DNAH14: variants seen among roughly 807,000 people sequenced by gnomAD.
DNAH14 encodes axonemal beta dynein heavy chain 14.
DNAH14 carries 478 observed loss-of-function variants against 520.9 expected under a neutral mutation model. That is an observed-to-expected ratio of 0.92 (90% CI 0.85 to 0.99). The LOEUF (loss-of-function observed/expected upper bound fraction) is 0.99, where lower values mean the gene tolerates loss of function less well. Among genes scored for constraint, DNAH14 ranks in the 50% least tolerant of loss-of-function variants. The pLI is 0.00. For synonymous variants in DNAH14, 1,581 were observed against 1,757.2 expected (o/e 0.90, Z 2.51); for missense variants, 4,831 against 5,234.5 (o/e 0.92, Z 2.38).
intron 17 of DNAH14, among the ~76,000 whole-genome samples, chr1:225,061,430 G>C (rs943087867): frequency 2.0e-5 from 3 of 152,202 alleles, no homozygotes; most frequent in Non-Finnish European, 4.4e-5. Context: ...TCTTTGACTA[G>C]GAAAAGGAAT....
At chr1:225,114,858 G>A (rs1315497518) in intron 23 of DNAH14, among the ~76,000 whole-genome samples, 1 of 152,216 alleles carries the variant, frequency 6.6e-6, no homozygotes, top group East Asian at 1.9e-4. Context: ...GTGGGGGAAG[G>A]GTGGCTTCAG....
At chr1:225,179,015 C>CT (rs1290502978) in intron 36 of DNAH14, among the ~76,000 whole-genome samples, 23 of 152,152 alleles carry the variant, frequency 1.5e-4, no homozygotes, top group Non-Finnish European at 1.8e-4. Context: ...TTCTCCTTGC[C>CT]TTCTGCCATG....
chr1:225,389,902 G>A (rs2095883569), intron 83 of DNAH14, 29 bp downstream of exon 83: 1 of 1,548,764 alleles, frequency 6.5e-7, no homozygotes, highest in Non-Finnish European at 8.7e-7. Context: ...GTCAGCTCCA[G>A]ACCTGGCCCA....
At chr1:225,173,714 G>A (rs2082975314) in intron 36 of DNAH14, among the ~76,000 whole-genome samples, 1 of 152,156 alleles carries the variant, frequency 6.6e-6, no homozygotes, top group Non-Finnish European at 1.5e-5. Context: ...ATTCTTCAGG[G>A]ATCTTGAACT....
intron 27 of DNAH14, among the ~76,000 whole-genome samples, chr1:225,128,771 C>CT (rs2078053861): frequency 6.6e-6 from 1 of 152,092 alleles, no homozygotes; most frequent in Non-Finnish European, 1.5e-5. Context: ...CAGGGATGCC[C>CT]TCTCTCACCA....
chr1:225,173,659 G>T (rs1420925121), intron 36 of DNAH14, among the ~76,000 whole-genome samples: 1 of 152,208 alleles, frequency 6.6e-6, no homozygotes, highest in Non-Finnish European at 1.5e-5. Context: ...TACACTGTTG[G>T]TGGGACTGTA....
At chr1:224,989,438 A>G (rs1181479447) in intron 8 of DNAH14, among the ~76,000 whole-genome samples, 1 of 151,552 alleles carries the variant, frequency 6.6e-6, no homozygotes, top group African/African-American at 2.4e-5. Context: ...AACCTTGTTG[A>G]ACTCACTTAA....
At chr1:225,124,796 A>G (rs763072638) in intron 27 of DNAH14, among the ~76,000 whole-genome samples, 3 of 149,314 alleles carry the variant, frequency 2.0e-5, no homozygotes, top group Non-Finnish European at 1.5e-5. Flanking sequence ...CCTTTCCAGA[A>G]GGTTTTCTAT....
At chr1:224,980,397 T>A (rs1311851981) in intron 8 of DNAH14, among the ~76,000 whole-genome samples, 1 of 151,962 alleles carries the variant, frequency 6.6e-6, no homozygotes, top group Non-Finnish European at 1.5e-5. Context: ...TTCCTCTGCC[T>A]GTGGAGAGAG....
Position 225,159,322 on chromosome 1 carries a change from G to A in DNAH14, c.5282G>A (p.Ser1761Asn), listed in dbSNP as rs1246898182. The change falls in exon 35 of 86, where the codon AGT becomes AAT. Residue 1761 changes from serine to asparagine, a missense_variant. Ser to Asn is a conservative substitution (Grantham distance 46). Coordinates refer to ENST00000682510, the MANE Select transcript of DNAH14 (RefSeq NM_001367479.1). ...TKKREFKCDT[S>N]DSLSEADETL... ...TTCTTCTACCATTGAAGTGATACCAGTGACAGTCTTTCTGAAGCAGATGAA... is the reference window on the plus strand; with the variant it reads ...TTCTTCTACCATTGAAGTGATACCAATGACAGTCTTTCTGAAGCAGATGAA... 1 of 1,551,068 alleles carries A rather than the reference G, an allele frequency of 6.4e-7. No homozygotes were observed.
chr1:225,120,801 A>G (rs1407487675), intron 26 of DNAH14, among the ~76,000 whole-genome samples: 2 of 152,360 alleles, frequency 1.3e-5, no homozygotes, highest in Non-Finnish European at 1.5e-5. Context: ...TGGGCATTTA[A>G]GCAAAAAAGA....
At chr1:224,961,058 A>G (rs184343210) in intron 4 of DNAH14, 1 of 152,158 alleles carries the variant, frequency 6.6e-6, no homozygotes, top group African/African-American at 2.4e-5. Context: ...ATCATATTAC[A>G]TTATCCAATA....
At position 225,257,887 on chromosome 1, in the gene DNAH14, C is replaced by CAA. The variant is rs35313445; in HGVS notation, c.6866-60_6866-59dup. On this transcript the variant is annotated intron_variant, in intron 44 of 85. Coordinates refer to ENST00000682510, the MANE Select transcript of DNAH14 (RefSeq NM_001367479.1). ...AATGAAAATAAAATAATCCTAATGACAAAAAAAAAAAAAAGATGAGGTGAA... is the reference window on the plus strand; with the variant it reads ...AATGAAAATAAAATAATCCTAATGACAAAAAAAAAAAAAAAAGATGAGGTGAA... 5.3e-3 allele frequency: 5,020 copies of CAA among 951,482 alleles called. 1 individual carries two copies. The highest frequency in any genetic ancestry group is 0.012 in the East Asian group (364 of 31,558). The allele number at this position is 951,482 out of a possible 1,614,324, so 58.9% of individuals were successfully genotyped here.
intron 5 of DNAH14, among the ~76,000 whole-genome samples, chr1:224,965,737 A>G (rs2489348): frequency 0.26 from 39,691 of 151,952 alleles, 8,058 homozygotes; most frequent in African/African-American, 0.56. Flanking sequence ...TTGAGCTTTC[A>G]TGTTTTGACC....
At chr1:225,245,922 C>G (rs1574265998) in intron 43 of DNAH14, among the ~76,000 whole-genome samples, 1 of 152,022 alleles carries the variant, frequency 6.6e-6, no homozygotes, top group African/African-American at 2.4e-5. Context: ...CCAAGACAAT[C>G]ATAAGCAAAA....
At chr1:225,183,637 G>T (rs1435348936) in intron 36 of DNAH14, among the ~76,000 whole-genome samples, 1 of 150,410 alleles carries the variant, frequency 6.6e-6, no homozygotes, top group Non-Finnish European at 1.5e-5. Context: ...CCAAAAGTTG[G>T]TTTTTTGAAA....
At chr1:225,390,674 C>T (rs911454407) in intron 83 of DNAH14, among the ~76,000 whole-genome samples, 1 of 152,060 alleles carries the variant, frequency 6.6e-6, no homozygotes, top group African/African-American at 2.4e-5. Flanking sequence ...TAAGTATTAT[C>T]CAGGTGCGGA....
chr1:224,978,251 A>G (rs1226507500), intron 8 of DNAH14, among the ~76,000 whole-genome samples: 1 of 152,242 alleles, frequency 6.6e-6, no homozygotes, highest in African/African-American at 2.4e-5. Flanking sequence ...CCAAGATAGG[A>G]ATCAATCTAA....
intron 36 of DNAH14, 96 bp from the exon 37 acceptor site, chr1:225,185,195 G>A: frequency 7.6e-7 from 1 of 1,308,764 alleles, no homozygotes; most frequent in Non-Finnish European, 1.0e-6. Context: ...ATTTATTATA[G>A]CCACAAAAAA....
Sources: gnomAD v4.1 joint callset for allele counts (sites outside exome capture counted in the v4.1 genomes callset) on GRCh38, gnomAD v4.1.1 for gene constraint, MANE v1.5 for transcripts, NCBI Gene and HGNC (gene_info 2026-07-23, HGNC 2026-07-21) for gene names.